The following CENPW variants were observed in gnomAD, a reference collection of about 807,000 sequenced individuals.
The protein encoded by CENPW is centromere protein W.
A neutral mutation model predicts 11.1 loss-of-function variants in CENPW; 3 were observed. The observed-to-expected ratio is 0.27, with a 90% CI of 0.12 to 0.70. The LOEUF is 0.70. CENPW is among the 30% of genes least tolerant of loss of function. The pLI, the probability that CENPW is intolerant of heterozygous loss-of-function variation, is 0.77. For missense variants in CENPW, 100 were observed against 105.6 expected (o/e 0.95, Z 0.23); for synonymous variants, 38 against 42.0 (o/e 0.91, Z 0.37).
At chr6:126,362,255 C>G in the CENPW span, among the ~76,000 whole-genome samples, 3 of 152,246 alleles carry the variant, frequency 2.0e-5, no homozygotes, top group South Asian at 2.1e-4. Flanking sequence ...TTGGAGCCAC[C>G]CTATGCACAA....
chr6:126,371,231 A>G, the CENPW span, among the ~76,000 whole-genome samples: 2 of 152,174 alleles, frequency 1.3e-5, no homozygotes, highest in Admixed American at 1.3e-4. Context: ...GGTTTGTCAT[A>G]GATAGCTTTT....
At chr6:126,420,900 A>G in the CENPW span, among the ~76,000 whole-genome samples, 3 of 151,880 alleles carry the variant, frequency 2.0e-5, no homozygotes, top group African/African-American at 7.2e-5. Flanking sequence ...TTTATTTTTT[A>G]TTTTGGAAAA....
the CENPW span, among the ~76,000 whole-genome samples, chr6:126,385,951 C>T: frequency 6.6e-6 from 1 of 151,964 alleles, no homozygotes; most frequent in Non-Finnish European, 1.5e-5. Context: ...GAGATTAGTT[C>T]AATAGGTAAG....
chr6:126,346,975 A>G (rs1780424297), intron 2 of CENPW, among the ~76,000 whole-genome samples: 1 of 152,202 alleles, frequency 6.6e-6, no homozygotes, highest in East Asian at 1.9e-4. Flanking sequence ...AATCTCTTAT[A>G]AGTAGAGATG....
the CENPW span, among the ~76,000 whole-genome samples, chr6:126,462,985 T>G: frequency 3.3e-5 from 5 of 152,066 alleles, no homozygotes; most frequent in Non-Finnish European, 5.9e-5. Flanking sequence ...GATATTACAT[T>G]TAGTTCACAC....
At chr6:126,383,848 A>G in the CENPW span, among the ~76,000 whole-genome samples, 2 of 152,212 alleles carry the variant, frequency 1.3e-5, no homozygotes, top group East Asian at 1.9e-4. Context: ...ACCCACTGAC[A>G]GTATGAGACA....
At chr6:126,347,174 G>A (rs938709982) in intron 2 of CENPW, among the ~76,000 whole-genome samples, 2 of 152,114 alleles carry the variant, frequency 1.3e-5, no homozygotes, top group African/African-American at 4.8e-5. Flanking sequence ...CAGTATTATT[G>A]TAGAACTTGT....
the CENPW span, among the ~76,000 whole-genome samples, chr6:126,475,454 G>A: frequency 9.2e-5 from 14 of 152,112 alleles, no homozygotes; most frequent in East Asian, 2.5e-3. Flanking sequence ...AAGGTTATAT[G>A]AATTTGTGAA....
At chr6:126,413,221 C>G in the CENPW span, among the ~76,000 whole-genome samples, 1 of 151,950 alleles carries the variant, frequency 6.6e-6, no homozygotes, top group African/African-American at 2.4e-5. Flanking sequence ...CATCCATAAC[C>G]AGGAAACTCA....
chr6:126,432,239 C>T, the CENPW span, among the ~76,000 whole-genome samples: 1 of 152,214 alleles, frequency 6.6e-6, no homozygotes, highest in African/African-American at 2.4e-5. Flanking sequence ...GCACCTGTCA[C>T]CCATACTGTC....
downstream of CENPW, among the ~76,000 whole-genome samples, chr6:126,351,584 G>A (rs902143498): frequency 1.1e-4 from 16 of 152,098 alleles, no homozygotes; most frequent in Middle Eastern, 3.4e-3. Flanking sequence ...TTTTTTTCTG[G>A]ATGTTGAAGA....
chr6:126,340,978 A>G (rs1475340078), intron 1 of CENPW, among the ~76,000 whole-genome samples: 2 of 152,130 alleles, frequency 1.3e-5, no homozygotes, highest in East Asian at 3.9e-4. Flanking sequence ...GGGAAAGTTT[A>G]TTTGTAGGAA....
chr6:126,435,589 G>A, the CENPW span, among the ~76,000 whole-genome samples: 5 of 151,786 alleles, frequency 3.3e-5, no homozygotes, highest in Non-Finnish European at 5.9e-5. Flanking sequence ...CTCATATCCT[G>A]CTGTTAAGTA....
chr6:126,405,117 T>C, the CENPW span, among the ~76,000 whole-genome samples: 1 of 152,040 alleles, frequency 6.6e-6, no homozygotes, highest in East Asian at 1.9e-4. Flanking sequence ...TTTCGTCAGG[T>C]AGATTTATAG....
the CENPW span, among the ~76,000 whole-genome samples, chr6:126,406,414 C>G: frequency 1.3e-5 from 2 of 151,888 alleles, no homozygotes; most frequent in South Asian, 2.1e-4. Context: ...TTCTTTCATG[C>G]GTATCTGTGT....
At chr6:126,365,784 CAT>C in the CENPW span, among the ~76,000 whole-genome samples, 14 of 152,206 alleles carry the variant, frequency 9.2e-5, no homozygotes, top group Non-Finnish European at 1.6e-4. Flanking sequence ...AAGAAAAGCA[CAT>C]GTTTGTTTTT....
chr6:126,450,911 A>C, the CENPW span, among the ~76,000 whole-genome samples: 8 of 151,152 alleles, frequency 5.3e-5, no homozygotes, highest in East Asian at 1.6e-3. Context: ...TCAGTGAATG[A>C]ATAATCCATG....
chr6:126,421,896 C>T, the CENPW span, among the ~76,000 whole-genome samples: 1 of 152,108 alleles, frequency 6.6e-6, no homozygotes, highest in African/African-American at 2.4e-5. Context: ...TGGCTTTAAT[C>T]ATCATGGTTA....
the CENPW span, among the ~76,000 whole-genome samples, chr6:126,396,131 C>T: frequency 6.6e-6 from 1 of 152,102 alleles, no homozygotes; most frequent in East Asian, 1.9e-4. Flanking sequence ...GGGCAGTGAG[C>T]TCCCCCAGGC....
Sources: gnomAD v4.1 joint callset for allele counts (sites outside exome capture counted in the v4.1 genomes callset) on GRCh38, gnomAD v4.1.1 for gene constraint, MANE v1.5 for transcripts, NCBI Gene and HGNC (gene_info 2026-07-23, HGNC 2026-07-21) for gene names.